TMCO6: variants seen among roughly 807,000 people sequenced by gnomAD.
TMCO6 encodes the protein transmembrane and coiled-coil domain-containing protein 6.
Under a neutral mutation model 61.8 loss-of-function variants are expected in TMCO6, and 47 were observed. That is an observed-to-expected ratio of 0.76 (90% CI 0.60 to 0.97). The LOEUF (loss-of-function observed/expected upper bound fraction) is 0.97, where lower values mean the gene tolerates loss of function less well. Among genes scored for constraint, TMCO6 ranks in the 50% least tolerant of loss-of-function variants. The pLI is 0.00. For synonymous variants in TMCO6, 261 were observed against 254.2 expected (o/e 1.03, Z -0.25); for missense variants, 557 against 601.6 (o/e 0.93, Z 0.78).
At position 140,642,336 on chromosome 5, in the gene TMCO6, G is replaced by A; in HGVS notation, c.520G>A (p.Gly174Ser). Residue 174 changes from glycine (G) to serine (S), a missense_variant, in exon 5 of 12, where the codon GGT becomes AGT. Gly to Ser is a moderately conservative substitution (Grantham distance 56). Transcript: ENST00000394671. ...TCAGGAGCTGTGTCTGTATACACTG[G>A]GTAACCTGATCGTGGAGAGTGAGGC... Reference protein sequence around the residue: ...DFIELCLYTLGNLIVESEAVR... With the variant: ...DFIELCLYTLSNLIVESEAVR... The A allele has an allele frequency of 6.2e-7, 1 of 1,613,518 alleles. No individual in the cohort carries two copies. Among genetic ancestry groups the A allele is most frequent in the Non-Finnish European group, 8.5e-7 (1 of 1,179,690 alleles).
chr5:140,644,932 TGA>T, intron 11 of TMCO6, 51 bp from the exon 12 acceptor site: 1 of 1,583,006 alleles, frequency 6.3e-7, no homozygotes, highest in Non-Finnish European at 8.7e-7. Flanking sequence ...CTGTGGGAAT[TGA>T]GTCTTAGGAC....
At position 140,643,881 on chromosome 5, in the gene TMCO6, A is replaced by T. The variant is rs1404676911; in HGVS notation, c.1020A>T (p.Ala340=). The part of the protein sequence containing the change: ...QMQLRDERVV[A]ALFILLQFFF... ...AGCTCAGAGATGAGCGTGTTGTGGC[A>T]GCCTTATTTATCCTTCTGCAGTTCT... Residue 340 remains alanine (A), a synonymous_variant, in exon 9 of 12, where the codon GCA becomes GCT. Transcript: ENST00000394671. 1.9e-6 allele frequency: 3 copies of T among 1,614,188 alleles called. No individual in the cohort carries two copies. The highest frequency in any genetic ancestry group is 2.5e-6 in the Non-Finnish European group (3 of 1,180,042).
Position 140,641,691 on chromosome 5 carries a change from GC to G in TMCO6, c.226del (p.Arg76GlyfsTer42). The G allele has an allele frequency of 1.9e-6, 3 of 1,614,134 alleles. No homozygotes were observed. The highest frequency in any genetic ancestry group is 2.5e-6 in the Non-Finnish European group (3 of 1,180,026). On this transcript the variant is annotated frameshift_variant, in exon 3 of 12. Coordinates refer to ENST00000394671, the MANE Select transcript of TMCO6 (RefSeq NM_018502.5). LOFTEE classifies it high-confidence loss of function. Reference sequence around the variant, plus strand: ...TGCAGCAGTTCCTGCGGCAAGCCCAGCGGGGGACAGAGGAAAAGGAGAGAGA... The same window carrying G: ...TGCAGCAGTTCCTGCGGCAAGCCCAGGGGGGACAGAGGAAAAGGAGAGAGA... Reference protein sequence around the residue: ...EVQQFLRQAQRGTEEKEREGA... With the variant: ...EVQQFLRQAQXGTEEKEREGA...
chr5:140,599,746 T>A, the TMCO6 span, among the ~76,000 whole-genome samples: 313 of 151,878 alleles, frequency 2.1e-3, no homozygotes, highest in African/African-American at 7.1e-3. Flanking sequence ...ACTAAAAATA[T>A]AAAAATTAGC....
At chr5:140,630,206 G>A in the TMCO6 span, among the ~76,000 whole-genome samples, 1 of 151,788 alleles carries the variant, frequency 6.6e-6, no homozygotes, top group Admixed American at 6.6e-5. Flanking sequence ...GTTAGCCAGG[G>A]TGGACTCGAT....
chr5:140,639,987 G>A lies in TMCO6; in HGVS notation c.198+136G>A, dbSNP rs907890379. On this transcript the variant is annotated intron_variant, in intron 2 of 11. Transcript: ENST00000394671. The stretch of plus-strand genomic sequence containing the variant: ...CATCCAGTGGGTCAAGCCAGAAACA[G>A]GGGAATCATCCTGCACAACTCTTTG... 5.7e-5 allele frequency: 40 copies of A among 703,296 alleles called. 1 individual carries two copies. The highest frequency in any genetic ancestry group is 8.7e-5 in the South Asian group (5 of 57,172). 43.6% of individuals were successfully genotyped at this position (703,296 alleles called of 1,614,324 possible).
the TMCO6 span, chr5:140,632,957 C>T: frequency 6.2e-7 from 1 of 1,614,166 alleles, no homozygotes; most frequent in Non-Finnish European, 8.5e-7. The surrounding 1 kb of genome is among the most constrained non-coding windows in gnomAD (Gnocchi z 6.2). Flanking sequence ...GCAGCAGCAG[C>T]AGCAACAAGC....
At chr5:140,639,671 A>G in intron 1 of TMCO6, 59 bp downstream of exon 1, 2 of 1,543,826 alleles carry the variant, frequency 1.3e-6, no homozygotes, top group Non-Finnish European at 1.8e-6. Context: ...TTGAGACCCC[A>G]GGCTCGGAGC....
chr5:140,623,631 C>T, the TMCO6 span, among the ~76,000 whole-genome samples: 2 of 152,214 alleles, frequency 1.3e-5, no homozygotes, highest in Non-Finnish European at 2.9e-5. Context: ...TGTATCTATG[C>T]TCACATCTTT....
At chr5:140,604,175 T>G in the TMCO6 span, among the ~76,000 whole-genome samples, 1 of 152,048 alleles carries the variant, frequency 6.6e-6, no homozygotes, top group Non-Finnish European at 1.5e-5. Flanking sequence ...GTTGCTTGCC[T>G]TATTAAAAAC....
the TMCO6 span, among the ~76,000 whole-genome samples, chr5:140,611,419 G>A: frequency 6.6e-6 from 1 of 152,168 alleles, no homozygotes; most frequent in Non-Finnish European, 1.5e-5. Context: ...GAAGTTTGGT[G>A]GTTACCCAGG....
At chr5:140,619,994 A>C in the TMCO6 span, among the ~76,000 whole-genome samples, 1 of 152,192 alleles carries the variant, frequency 6.6e-6, no homozygotes, top group Non-Finnish European at 1.5e-5. Context: ...CGTTTCTTAC[A>C]AAACTGATCA....
chr5:140,602,075 C>T, the TMCO6 span, among the ~76,000 whole-genome samples: 18 of 152,300 alleles, frequency 1.2e-4, no homozygotes, highest in East Asian at 2.1e-3. Flanking sequence ...TGGCTTCTGC[C>T]TTCCTTTCCT....
At chr5:140,636,709 A>G (rs954453173), upstream of TMCO6, among the ~76,000 whole-genome samples, 3 of 152,166 alleles carry the variant, frequency 2.0e-5, no homozygotes, top group African/African-American at 7.2e-5. Context: ...GATGGCCTGT[A>G]GATATTTTAA....
the TMCO6 span, among the ~76,000 whole-genome samples, chr5:140,620,180 A>G: frequency 6.6e-6 from 1 of 152,246 alleles, no homozygotes; most frequent in East Asian, 1.9e-4. Context: ...AGACAATGGA[A>G]TATTATTCAG....
chr5:140,630,751 T>C, the TMCO6 span, among the ~76,000 whole-genome samples: 1 of 152,236 alleles, frequency 6.6e-6, no homozygotes, highest in Admixed American at 6.5e-5. Context: ...TTGAGTCTGG[T>C]TCTGGTAATG....
chr5:140,600,015 A>G, the TMCO6 span, among the ~76,000 whole-genome samples: 1 of 152,166 alleles, frequency 6.6e-6, no homozygotes, highest in African/African-American at 2.4e-5. Context: ...CTGCTTGGAA[A>G]TATGGTATCT....
At chr5:140,615,993 G>A in the TMCO6 span, among the ~76,000 whole-genome samples, 33 of 151,998 alleles carry the variant, frequency 2.2e-4, no homozygotes, top group Non-Finnish European at 3.5e-4. Flanking sequence ...TTAACCAGGC[G>A]TTATGGCAGG....
the TMCO6 span, among the ~76,000 whole-genome samples, chr5:140,606,979 G>A: frequency 5.3e-5 from 7 of 132,954 alleles, no homozygotes; most frequent in East Asian, 1.4e-3. Context: ...TAACAAAATA[G>A]TTTAAAAAGT....
Sources: gnomAD v4.1 joint callset for allele counts (sites outside exome capture counted in the v4.1 genomes callset) on GRCh38, gnomAD v4.1.1 for gene constraint, Gnocchi (gnomAD v3.1) non-coding constraint, MANE v1.5 for transcripts, NCBI Gene and HGNC (gene_info 2026-07-23, HGNC 2026-07-21) for gene names.